Variants in FRMD4A observed in about 807,000 individuals in gnomAD.
FRMD4A encodes FERM domain containing 4A, also known as FERM domain-containing protein 4A.
Under a neutral mutation model 129.1 loss-of-function variants are expected in FRMD4A, and 29 were observed. That is an observed-to-expected ratio of 0.22 (90% confidence interval 0.17 to 0.31). FRMD4A has a LOEUF of 0.31. Ranked by LOEUF, FRMD4A falls within the 10% of genes least tolerant of loss-of-function variation. FRMD4A has a pLI of 1.00. For synonymous variants in FRMD4A, 634 were observed against 571.6 expected (o/e 1.11, Z -1.56); for missense variants, 1,272 against 1,375.8 (o/e 0.92, Z 1.19).
At chr10:13,995,906 C>G (rs141152559) in intron 2 of FRMD4A, among the ~76,000 whole-genome samples, 1 of 151,862 alleles carries the variant, frequency 6.6e-6, no homozygotes, top group Non-Finnish European at 1.5e-5. Flanking sequence ...GGGGAGGAAG[C>G]GCCCTCTCCT....
intron 2 of FRMD4A, among the ~76,000 whole-genome samples, chr10:13,908,676 C>G: frequency 6.6e-6 from 1 of 152,226 alleles, no homozygotes; most frequent in East Asian, 1.9e-4. Flanking sequence ...CTCTGCCTGC[C>G]AAGCTCCTCT....
chr10:13,701,451 C>A lies in FRMD4A; in HGVS notation c.864G>T (p.Gly288=). ...RRASVTRRTF[G]HSGIAVHTWY... ...ACGTGTGCACTGCAATGCCGCTGTG[C>A]CCAAACGTCCTCCTTGTCACTGAAG... The change falls in exon 14 of 25, where the codon GGG becomes GGT. Residue 288 remains glycine (G), a synonymous_variant. Transcript: ENST00000357447. 2 of 1,613,830 alleles carry A rather than the reference C, an allele frequency of 1.2e-6. No homozygotes were observed. Among genetic ancestry groups the A allele is most frequent in the Non-Finnish European group, 1.7e-6 (2 of 1,179,778 alleles).
intron 2 of FRMD4A, among the ~76,000 whole-genome samples, chr10:14,152,864 A>G (rs1213841510): frequency 6.6e-6 from 1 of 152,022 alleles, no homozygotes; most frequent in Non-Finnish European, 1.5e-5. Context: ...AAATGCAGAG[A>G]AGAGAGACTC....
At chr10:13,754,856 G>A (rs995857622) in intron 8 of FRMD4A, among the ~76,000 whole-genome samples, 1 of 152,150 alleles carries the variant, frequency 6.6e-6, no homozygotes, top group African/African-American at 2.4e-5. Flanking sequence ...GCCTCAGCAA[G>A]TCTATTTCTC....
At chr10:14,115,040 A>C (rs1407027586) in intron 2 of FRMD4A, among the ~76,000 whole-genome samples, 1 of 151,794 alleles carries the variant, frequency 6.6e-6, no homozygotes, top group Non-Finnish European at 1.5e-5. Context: ...CCATACACTC[A>C]CTCCCCCACC....
chr10:14,063,836 C>T (rs998210238), intron 2 of FRMD4A, among the ~76,000 whole-genome samples: 13 of 151,980 alleles, frequency 8.6e-5, no homozygotes, highest in Admixed American at 1.3e-4. Flanking sequence ...TCAAAACATG[C>T]GAATTAACTC....
intron 2 of FRMD4A, among the ~76,000 whole-genome samples, chr10:14,281,015 G>A (rs796123247): frequency 2.3e-4 from 22 of 97,370 alleles, no homozygotes; most frequent in African/African-American, 1.1e-3. Flanking sequence ...TTTTTGCAAC[G>A]GAGTTTCGAT....
intron 2 of FRMD4A, among the ~76,000 whole-genome samples, chr10:14,236,835 G>C (rs1181794454): frequency 6.6e-6 from 1 of 152,050 alleles, no homozygotes; most frequent in African/African-American, 2.4e-5. Flanking sequence ...ACGTTTCAAG[G>C]AGGATCCACC....
chr10:13,649,370 T>C (rs1276291535), intron 24 of FRMD4A: 1 of 126,926 alleles, frequency 7.9e-6, no homozygotes, highest in African/African-American at 2.7e-5. Flanking sequence ...TGGCCCATGG[T>C]GTTCTCCTGT....
intron 15 of FRMD4A, chr10:13,684,879 A>T (rs1343076435): frequency 5.1e-6 from 5 of 985,142 alleles, no homozygotes; most frequent in Non-Finnish European, 6.0e-6. Flanking sequence ...GAGAAAAAAA[A>T]AAAAAAATGA....
chr10:14,104,216 C>T (rs114714321), intron 2 of FRMD4A, among the ~76,000 whole-genome samples: 1,613 of 152,050 alleles, frequency 0.011, 24 homozygotes, highest in African/African-American at 0.036. Context: ...GGGGGTTACA[C>T]TGCCACTGAG....
intron 2 of FRMD4A, among the ~76,000 whole-genome samples, chr10:14,244,532 T>C (rs139634961): frequency 3.9e-4 from 59 of 152,324 alleles, no homozygotes; most frequent in African/African-American, 1.2e-3. Flanking sequence ...ATATTATAAT[T>C]TGATGTGATA....
At chr10:14,052,733 T>C (rs1029953762) in intron 2 of FRMD4A, among the ~76,000 whole-genome samples, 3 of 151,564 alleles carry the variant, frequency 2.0e-5, no homozygotes, top group African/African-American at 7.3e-5. Flanking sequence ...TATTTTTTTT[T>C]CTGTATTTTT....
At chr10:14,194,970 T>C (rs1842431647) in intron 2 of FRMD4A, among the ~76,000 whole-genome samples, 1 of 152,196 alleles carries the variant, frequency 6.6e-6, no homozygotes, top group Non-Finnish European at 1.5e-5. Context: ...TTAAGAGAAG[T>C]GCCCCTATTT....
chr10:14,184,298 A>ATTGTTTTTTTTTTTTTTTTTTTTTTT (rs1842007158), intron 2 of FRMD4A, among the ~76,000 whole-genome samples: 1 of 104,908 alleles, frequency 9.5e-6, no homozygotes, highest in Non-Finnish European at 2.0e-5. Flanking sequence ...CAACCGGTTA[A>ATTGTTTTTTTTTTTTTTTTTTTTTTT]TTTTTTTTTT....
chr10:13,900,538 ACTCAAGTAC>A (rs1194205752), intron 2 of FRMD4A, among the ~76,000 whole-genome samples: 4 of 152,092 alleles, frequency 2.6e-5, no homozygotes, highest in Admixed American at 2.0e-4. Context: ...TTCTAAGTAT[ACTCAAGTAC>A]CTTCGGCTAG....
chr10:14,101,680 C>T (rs753195745), intron 2 of FRMD4A, among the ~76,000 whole-genome samples: 5 of 152,118 alleles, frequency 3.3e-5, no homozygotes, highest in African/African-American at 4.8e-5. Context: ...TTTATGGTCA[C>T]CATCTCCATG....
chr10:13,895,936 C>T (rs1247737263), intron 2 of FRMD4A, among the ~76,000 whole-genome samples: 2 of 152,204 alleles, frequency 1.3e-5, no homozygotes, highest in East Asian at 3.8e-4. Flanking sequence ...CATCACTGGT[C>T]ATCAGAGAAA....
chr10:13,699,239 T>TG (rs61417860), intron 14 of FRMD4A, among the ~76,000 whole-genome samples: 1 of 146,450 alleles, frequency 6.8e-6, no homozygotes, highest in African/African-American at 2.6e-5. Flanking sequence ...TTTTTTTTTT[T>TG]TTTTTTTTTG....
Sources: allele counts gnomAD v4.1 joint callset (sites outside exome capture counted in the v4.1 genomes callset), GRCh38; gene constraint gnomAD v4.1.1; transcripts MANE v1.5; gene names NCBI Gene and HGNC (gene_info 2026-07-23, HGNC 2026-07-21).